NAV2: variants seen among roughly 807,000 people sequenced by gnomAD.
NAV2 encodes the protein neuron navigator 2.
Under a neutral mutation model 223.2 loss-of-function variants are expected in NAV2, and 54 were observed. The ratio of observed to expected loss-of-function variants is 0.24; its 90% CI spans 0.19 to 0.30. The LOEUF (loss-of-function observed/expected upper bound fraction) is 0.30. NAV2 is among the 10% of genes least tolerant of loss of function. NAV2 has a pLI of 1.00. For synonymous variants in NAV2, 1,279 were observed against 1,239.3 expected, an observed-to-expected ratio of 1.03 and a Z score of -0.67; for missense variants, 2,806 against 3,147.5, an observed-to-expected ratio of 0.89 and a Z score of 2.60.
At chr11:19,872,042 G>T (rs896921941) in intron 4 of NAV2, among the ~76,000 whole-genome samples, 1 of 152,196 alleles carries the variant, frequency 6.6e-6, no homozygotes, top group African/African-American at 2.4e-5. Flanking sequence ...GAAGATATGA[G>T]TGTTAAAAAT....
chr11:19,408,609 T>C (rs1033705779), intron 1 of NAV2, among the ~76,000 whole-genome samples: 2 of 152,268 alleles, frequency 1.3e-5, no homozygotes, highest in African/African-American at 4.8e-5. Context: ...TGCCAGGTTC[T>C]GTGCTGAGAT....
At chr11:19,894,120 C>G (rs1167728922) in intron 6 of NAV2, among the ~76,000 whole-genome samples, 1 of 151,980 alleles carries the variant, frequency 6.6e-6, no homozygotes, top group Non-Finnish European at 1.5e-5. Flanking sequence ...GAGTACCTAC[C>G]ATGTGTCTTA....
chr11:19,919,965 T>A (rs1176623809), intron 6 of NAV2, among the ~76,000 whole-genome samples: 2 of 151,978 alleles, frequency 1.3e-5, no homozygotes, highest in Non-Finnish European at 2.9e-5. Flanking sequence ...GAGACCCCCA[T>A]CTCTACAAAA....
rs182147593 is a variant in NAV2 at position 19,638,776 on chromosome 11, C to G, written c.76-193708C>G. On this transcript the variant is annotated intron_variant, in intron 1 of 37. Transcript: ENST00000360655. Reference sequence around the variant, plus strand: ...TTGGGAGCCTGAGGCAGGCAGATCACGAGGTCAGGAGTTCGAGACCAGCCT... The same window carrying G: ...TTGGGAGCCTGAGGCAGGCAGATCAGGAGGTCAGGAGTTCGAGACCAGCCT... Among the ~76,000 whole-genome samples, 66 of 152,216 alleles carry G rather than the reference C, an allele frequency of 4.3e-4. 1 individual carries two copies. The highest frequency in any genetic ancestry group is 6.8e-3 in the Middle Eastern group (2 of 294).
chr11:19,424,438 A>G (rs1411596653), intron 1 of NAV2, among the ~76,000 whole-genome samples: 3 of 152,270 alleles, frequency 2.0e-5, no homozygotes, highest in African/African-American at 7.2e-5. Context: ...GGCATTCATC[A>G]AAGATTTGAC....
chr11:19,693,941 A>T lies in NAV2; in HGVS notation c.76-138543A>T, dbSNP rs114705643. The stretch of plus-strand genomic sequence containing the variant: ...GATGTATAGGAAATCACCATTTTTG[A>T]GTCAAAAGTAGTTGTTATAGACAAT... On this transcript the variant is annotated intron_variant, in intron 1 of 37. Coordinates refer to the NAV2 transcript ENST00000360655. Among the ~76,000 whole-genome samples, 1,427 of 152,342 alleles carry T rather than the reference A, an allele frequency of 9.4e-3. 27 individuals are homozygous for T. Among genetic ancestry groups the T allele is most frequent in the African/African-American group, 0.033 (1,353 of 41,570 alleles).
chr11:19,364,553 T>C (rs1854150836), intron 1 of NAV2, among the ~76,000 whole-genome samples: 1 of 152,228 alleles, frequency 6.6e-6, no homozygotes, highest in Non-Finnish European at 1.5e-5. Context: ...AATGGGTCTT[T>C]AGCTCCTGCT....
Position 19,400,719 on chromosome 11 carries a change from T to C in NAV2, c.75+49692T>C, listed in dbSNP as rs546407470. 2.0e-5 allele frequency among the ~76,000 whole-genome samples: 3 copies of C among 152,300 alleles called. No individual in the cohort carries two copies. In the East Asian group the frequency reaches 5.8e-4, roughly 29 times the overall value. ...ATCTTCTAGCCCATGATGTGAACAG[T>C]GACCCCTAGGGCCATGTAGGATGCT... On this transcript the variant is annotated intron_variant, in intron 1 of 37. Coordinates refer to the NAV2 transcript ENST00000360655.
intron 2 of NAV2, among the ~76,000 whole-genome samples, chr11:19,841,006 T>C (rs1233604751): frequency 2.6e-5 from 4 of 152,232 alleles, no homozygotes; most frequent in Non-Finnish European, 1.5e-5. Flanking sequence ...CTATGAGTTA[T>C]TCCATTCAGT....
At chr11:19,827,698 A>G (rs2059710189) in intron 1 of NAV2, among the ~76,000 whole-genome samples, 1 of 152,062 alleles carries the variant, frequency 6.6e-6, no homozygotes, top group Non-Finnish European at 1.5e-5. Flanking sequence ...GTTAGCCTTT[A>G]TTATTTTTAT....
intron 1 of NAV2, among the ~76,000 whole-genome samples, chr11:19,685,354 C>T (rs184320291): frequency 1.6e-3 from 243 of 152,264 alleles, no homozygotes; most frequent in Admixed American, 9.2e-3. Context: ...TTCCAGACCC[C>T]AGCAGTAGGG....
rs183290699 is a variant in NAV2, at chr11:19,412,731, G to A, written c.75+61704G>A. On this transcript the variant is annotated intron_variant, in intron 1 of 37. Coordinates refer to the NAV2 transcript ENST00000360655. Reference sequence around the variant, plus strand: ...GATGAAGCTTCCAAAGGAAGAAACAGGCAGCAATCTTTGCTGTTCTGCAGC... The same window carrying A: ...GATGAAGCTTCCAAAGGAAGAAACAAGCAGCAATCTTTGCTGTTCTGCAGC... 2.0e-3 allele frequency among the ~76,000 whole-genome samples: 305 copies of A among 152,324 alleles called. 2 individuals are homozygous for A. Among genetic ancestry groups the A allele is most frequent in the African/African-American group, 7.0e-3 (291 of 41,568 alleles).
intron 1 of NAV2, among the ~76,000 whole-genome samples, chr11:19,624,340 T>C (rs1288331165): frequency 6.6e-6 from 1 of 152,174 alleles, no homozygotes; most frequent in Non-Finnish European, 1.5e-5. Flanking sequence ...GCTGCCTTTT[T>C]TTCAGCTATG....
At chr11:19,802,210 T>A (rs2058308811) in intron 1 of NAV2, among the ~76,000 whole-genome samples, 1 of 152,022 alleles carries the variant, frequency 6.6e-6, no homozygotes, top group Non-Finnish European at 1.5e-5. Flanking sequence ...AAATGGCTCT[T>A]ATAGGAGGTC....
chr11:19,528,825 G>A (rs2043930240), intron 1 of NAV2, among the ~76,000 whole-genome samples: 2 of 151,868 alleles, frequency 1.3e-5, no homozygotes, highest in South Asian at 2.1e-4. Context: ...AGCTACTCGG[G>A]AGGCTGAGGA....
At chr11:19,648,686 CT>C (rs1237097995) in intron 1 of NAV2, among the ~76,000 whole-genome samples, 1 of 152,150 alleles carries the variant, frequency 6.6e-6, no homozygotes, top group Non-Finnish European at 1.5e-5. Flanking sequence ...CAGGCGTGGA[CT>C]TTTTCTACTC....
chr11:19,550,973 T>A (rs1486898863), intron 1 of NAV2, among the ~76,000 whole-genome samples: 1 of 152,254 alleles, frequency 6.6e-6, no homozygotes, highest in East Asian at 1.9e-4. Flanking sequence ...GAAGTAGGTA[T>A]AAAGATGACT....
intron 1 of NAV2, among the ~76,000 whole-genome samples, chr11:19,616,990 T>A (rs890643176): frequency 2.0e-5 from 3 of 151,954 alleles, no homozygotes; most frequent in Non-Finnish European, 4.4e-5. Context: ...ATAACATGGG[T>A]CTCATAACGT....
intron 12 of NAV2, among the ~76,000 whole-genome samples, chr11:20,038,380 T>TA (rs767751705): frequency 7.3e-5 from 11 of 151,012 alleles, no homozygotes; most frequent in African/African-American, 2.2e-4. Context: ...AAATGAAAAC[T>TA]AAAAAAAAAG....
Sources: gnomAD v4.1 joint callset for allele counts (sites outside exome capture counted in the v4.1 genomes callset) on GRCh38, gnomAD v4.1.1 for gene constraint, MANE v1.5 for transcripts, NCBI Gene and HGNC (gene_info 2026-07-23, HGNC 2026-07-21) for gene names.